The following QTMAN variants were observed in gnomAD, a reference collection of about 807,000 sequenced individuals.
The protein encoded by QTMAN is tRNA-queuosine alpha-mannosyltransferase.
At chr2:144,150,123 G>A in the QTMAN span, among the ~76,000 whole-genome samples, 4 of 152,026 alleles carry the variant, frequency 2.6e-5, no homozygotes, top group African/African-American at 4.8e-5. Flanking sequence ...TAATGAGATA[G>A]TGTATACAAT....
chr2:144,332,913 T>C, the QTMAN span, among the ~76,000 whole-genome samples: 2 of 152,192 alleles, frequency 1.3e-5, no homozygotes, highest in Admixed American at 6.5e-5. Context: ...TGCTGTTCAT[T>C]AGGTCGACCT....
At chr2:144,274,262 C>G in the QTMAN span, among the ~76,000 whole-genome samples, 1 of 152,232 alleles carries the variant, frequency 6.6e-6, no homozygotes, top group Non-Finnish European at 1.5e-5. Context: ...AACCTCAGTT[C>G]CTGACAGAGC....
chr2:144,179,078 T>G, the QTMAN span: 3 of 365,654 alleles, frequency 8.2e-6, no homozygotes, highest in African/African-American at 4.4e-5. Flanking sequence ...TACTTACATA[T>G]AGTCAAGTCT....
At chr2:143,982,388 G>A in the QTMAN span, among the ~76,000 whole-genome samples, 4 of 151,416 alleles carry the variant, frequency 2.6e-5, no homozygotes, top group Non-Finnish European at 2.9e-5. Flanking sequence ...GCACCACTAC[G>A]CCCAGCTAAT....
chr2:144,307,157 CTTAAAAAAAAAAAAAAAAAAAAAAAACAA>C, the QTMAN span, among the ~76,000 whole-genome samples: 1 of 40,474 alleles, frequency 2.5e-5, no homozygotes, highest in East Asian at 8.2e-4. Context: ...GAGACTCCGT[CTTAAAAAAAAAAAAAAAAAAAAAAAACAA>C]TTAAAAAAAA....
At chr2:144,312,515 T>C in the QTMAN span, among the ~76,000 whole-genome samples, 1 of 152,190 alleles carries the variant, frequency 6.6e-6, no homozygotes, top group Non-Finnish European at 1.5e-5. Context: ...CAGACTCCTC[T>C]ACCTACTGCT....
chr2:144,316,310 T>A, the QTMAN span, among the ~76,000 whole-genome samples: 2 of 152,182 alleles, frequency 1.3e-5, no homozygotes, highest in African/African-American at 4.8e-5. Context: ...GATATTTTGT[T>A]ACAGAGCTGC....
the QTMAN span, among the ~76,000 whole-genome samples, chr2:144,030,554 T>G: frequency 1.3e-5 from 2 of 152,220 alleles, no homozygotes; most frequent in Non-Finnish European, 2.9e-5. Flanking sequence ...AGCTTGGGCC[T>G]ACTCTAAATG....
At chr2:144,030,446 G>T in the QTMAN span, among the ~76,000 whole-genome samples, 1 of 152,104 alleles carries the variant, frequency 6.6e-6, no homozygotes, top group Non-Finnish European at 1.5e-5. Flanking sequence ...CATGACTGCT[G>T]GTTTCATGTC....
the QTMAN span, among the ~76,000 whole-genome samples, chr2:144,077,481 A>T: frequency 0.011 from 1,626 of 152,358 alleles, 31 homozygotes; most frequent in African/African-American, 0.037. Context: ...ACTGATCTAT[A>T]AATCTGTTTT....
chr2:144,305,166 G>C, the QTMAN span, among the ~76,000 whole-genome samples: 4 of 151,860 alleles, frequency 2.6e-5, no homozygotes, highest in African/African-American at 9.7e-5. Context: ...CTTGTAAAAA[G>C]GCTTTGACTA....
chr2:144,187,515 G>A, the QTMAN span, among the ~76,000 whole-genome samples: 123 of 152,196 alleles, frequency 8.1e-4, no homozygotes, highest in African/African-American at 2.8e-3. Flanking sequence ...CTACCACATT[G>A]GGGATCTAAT....
the QTMAN span, among the ~76,000 whole-genome samples, chr2:144,317,226 T>C: frequency 2.6e-5 from 4 of 152,170 alleles, no homozygotes; most frequent in Non-Finnish European, 4.4e-5. Flanking sequence ...TTCAAAAAAT[T>C]ACCTCTGACT....
the QTMAN span, among the ~76,000 whole-genome samples, chr2:143,965,060 C>CT: frequency 0.073 from 10,339 of 142,298 alleles, 584 homozygotes; most frequent in African/African-American, 0.17. Flanking sequence ...TGTTCTTCTT[C>CT]TTTTTTTTTT....
the QTMAN span, among the ~76,000 whole-genome samples, chr2:144,105,995 C>G: frequency 1.3e-5 from 2 of 152,084 alleles, no homozygotes; most frequent in Non-Finnish European, 2.9e-5. Context: ...ATTTCATATC[C>G]AGCCAAACTA....
the QTMAN span, among the ~76,000 whole-genome samples, chr2:144,144,001 G>C: frequency 3.3e-5 from 5 of 151,856 alleles, no homozygotes; most frequent in African/African-American, 1.2e-4. Flanking sequence ...TTTTCCTCTG[G>C]ACAACTGTGA....
the QTMAN span, among the ~76,000 whole-genome samples, chr2:144,318,092 A>G: frequency 6.6e-6 from 1 of 152,080 alleles, no homozygotes; most frequent in South Asian, 2.1e-4. Flanking sequence ...GCCACAATGG[A>G]CTTCTTAAAT....
At chr2:144,112,854 T>C in the QTMAN span, among the ~76,000 whole-genome samples, 1 of 152,128 alleles carries the variant, frequency 6.6e-6, no homozygotes, top group Non-Finnish European at 1.5e-5. Context: ...GGTAATAAGT[T>C]CCCAAGGAGC....
the QTMAN span, among the ~76,000 whole-genome samples, chr2:144,154,283 G>A: frequency 6.6e-6 from 1 of 152,122 alleles, no homozygotes; most frequent in Non-Finnish European, 1.5e-5. Flanking sequence ...TGCACTCTAG[G>A]AAGCATCCTA....
Sources: allele counts gnomAD v4.1 joint callset (sites outside exome capture counted in the v4.1 genomes callset), GRCh38; gene constraint gnomAD v4.1.1; transcripts MANE v1.5; gene names NCBI Gene and HGNC (gene_info 2026-07-23, HGNC 2026-07-21).